The following LURAP1L variants were observed in gnomAD, a reference collection of about 807,000 sequenced individuals.
LURAP1L encodes leucine rich adaptor protein 1-like.
Under a neutral mutation model 13.8 loss-of-function variants are expected in LURAP1L, and 12 were observed. The observed-to-expected ratio is 0.87, with a 90% CI of 0.56 to 1.41. LURAP1L has a LOEUF of 1.41. Ranked by LOEUF, LURAP1L falls within the 40% of genes most tolerant of loss-of-function variation. LURAP1L has a pLI of 0.00. For missense variants in LURAP1L, 375 were observed against 292.9 expected (o/e 1.28, Z -2.04); for synonymous variants, 139 against 119.2 (o/e 1.17, Z -1.08).
chr9:12,775,497 C>A lies in LURAP1L; in HGVS notation c.-219C>A. The A allele has an allele frequency of 3.5e-6, 2 of 573,598 alleles. No individual in the cohort carries two copies. The highest frequency in any genetic ancestry group is 2.8e-6 in the Non-Finnish European group (1 of 355,168). The allele number at this position is 573,598 out of a possible 1,614,324, so 35.5% of individuals were successfully genotyped here. A position where few individuals can be genotyped will look rare whatever the true frequency, so the allele number is the denominator to read the frequency against. On this transcript the variant is annotated 5_prime_UTR_variant, in exon 1 of 2. Coordinates refer to ENST00000319264, the MANE Select transcript of LURAP1L (RefSeq NM_203403.2). ...TTGATCATCTTAGTGTCGGAGGAGT[C>A]GCAGCGGACTGGGAACTGCAGCTGC... is the stretch of plus-strand genomic sequence containing the variant.
chr9:12,796,792 A>C (rs1819517054), intron 1 of LURAP1L, among the ~76,000 whole-genome samples: 1 of 152,048 alleles, frequency 6.6e-6, no homozygotes, highest in Non-Finnish European at 1.5e-5. Context: ...AAGTAAATCT[A>C]GGCCTGAATC....
intron 1 of LURAP1L, among the ~76,000 whole-genome samples, chr9:12,791,691 T>C (rs1819443117): frequency 1.4e-5 from 2 of 147,628 alleles, no homozygotes; most frequent in African/African-American, 5.0e-5. Flanking sequence ...CCCTTCTTTT[T>C]ACACACACAC....
chr9:12,798,387 A>G (rs1452296896), intron 1 of LURAP1L, among the ~76,000 whole-genome samples: 1 of 152,226 alleles, frequency 6.6e-6, no homozygotes, highest in African/African-American at 2.4e-5. Context: ...GACATGAAAC[A>G]TACTAGCAAA....
rs1388350013 is a variant in LURAP1L, at chr9:12,821,784, G to C, written c.*24G>C. ...AGTGACAGTTTTTTGCATGGGACTG[G>C]TGTGCAATGAACTTGTATTTATCCT... On this transcript the variant is annotated 3_prime_UTR_variant, in exon 2 of 2. Transcript: ENST00000319264. The C allele has an allele frequency of 4.4e-6, 7 of 1,593,294 alleles. No homozygotes were observed. Among genetic ancestry groups the C allele is most frequent in the Non-Finnish European group, 6.0e-6 (7 of 1,166,026 alleles).
rs76499619 is a variant in LURAP1L, at chr9:12,776,861, A to G, written c.312+834A>G. 1.0e-2 allele frequency among the ~76,000 whole-genome samples: 1,519 copies of G among 151,998 alleles called. 27 individuals carry two copies. Among genetic ancestry groups the G allele is most frequent in the African/African-American group, 0.035 (1,456 of 41,492 alleles). On this transcript the variant is annotated intron_variant, in intron 1 of 1. Coordinates refer to ENST00000319264, the MANE Select transcript of LURAP1L (RefSeq NM_203403.2). Reference sequence around the variant, plus strand: ...CTGGAAGTATTTAGACTAAGACACTATTTACTTGCCATGAGCTCTTGGGCA... The same window carrying G: ...CTGGAAGTATTTAGACTAAGACACTGTTTACTTGCCATGAGCTCTTGGGCA...
At chr9:12,795,445 T>C (rs951547437) in intron 1 of LURAP1L, among the ~76,000 whole-genome samples, 6 of 151,996 alleles carry the variant, frequency 3.9e-5, no homozygotes, top group Admixed American at 6.6e-5. Flanking sequence ...AGAAATTCCT[T>C]CTAGAAAAAT....
intron 1 of LURAP1L, among the ~76,000 whole-genome samples, chr9:12,782,212 C>T (rs1044231171): frequency 6.6e-6 from 1 of 152,184 alleles, no homozygotes; most frequent in African/African-American, 2.4e-5. Flanking sequence ...TGGGTTGTCT[C>T]TCCACTTTGT....
chr9:12,796,784 G>A (rs1439391792), intron 1 of LURAP1L, among the ~76,000 whole-genome samples: 2 of 151,990 alleles, frequency 1.3e-5, no homozygotes, highest in Non-Finnish European at 2.9e-5. Flanking sequence ...TCAGAGCCAA[G>A]TAAATCTAGG....
At chr9:12,795,610 A>C (rs1352540082) in intron 1 of LURAP1L, among the ~76,000 whole-genome samples, 4 of 152,024 alleles carry the variant, frequency 2.6e-5, no homozygotes, top group Non-Finnish European at 4.4e-5. Flanking sequence ...TGAAAAGGTA[A>C]AATCAGCCTA....
At chr9:12,781,525 C>A (rs1170425026) in intron 1 of LURAP1L, among the ~76,000 whole-genome samples, 1 of 152,132 alleles carries the variant, frequency 6.6e-6, no homozygotes, top group East Asian at 1.9e-4. Flanking sequence ...CTTTCTGTGC[C>A]TGACTTATTT....
chr9:12,820,465 T>C (rs1299227153), intron 1 of LURAP1L, among the ~76,000 whole-genome samples: 4 of 129,236 alleles, frequency 3.1e-5, no homozygotes, highest in Non-Finnish European at 6.2e-5. Context: ...ATTCCGCCAC[T>C]GCACTCCAGC....
intron 1 of LURAP1L, among the ~76,000 whole-genome samples, chr9:12,779,283 T>G (rs1159181662): frequency 7.0e-6 from 1 of 143,346 alleles, no homozygotes; most frequent in African/African-American, 2.6e-5. Context: ...TTTTTTTTTT[T>G]TTTTTTTTTG....
intron 1 of LURAP1L, among the ~76,000 whole-genome samples, chr9:12,806,230 T>C (rs1819654522): frequency 6.6e-6 from 1 of 152,192 alleles, no homozygotes; most frequent in South Asian, 2.1e-4. Flanking sequence ...AGCAAGATGG[T>C]ACAGCTGGTT....
At chr9:12,816,249 A>G (rs1563899304) in intron 1 of LURAP1L, among the ~76,000 whole-genome samples, 2 of 152,216 alleles carry the variant, frequency 1.3e-5, no homozygotes, top group African/African-American at 4.8e-5. Context: ...CAGATATGTT[A>G]GGTGGATGCC....
Position 12,820,504 on chromosome 9 carries a change from C to A in LURAP1L, c.313-882C>A, listed in dbSNP as rs796480094. Among the ~76,000 whole-genome samples, 88 of 58,986 alleles carry A rather than the reference C, an allele frequency of 1.5e-3. 5 individuals are homozygous for A. The highest frequency in any genetic ancestry group is 5.6e-3 in the South Asian group (5 of 898). 38.7% of individuals were successfully genotyped at this position (58,986 alleles called of 152,430 possible). ...GACGACAGATCGAGACTCCGTCCCC[C>A]CCCCCCCCCCAAAAAAAAAAAAGGA... is the stretch of plus-strand genomic sequence containing the variant. On this transcript the variant is annotated intron_variant, in intron 1 of 1. Coordinates refer to ENST00000319264, the MANE Select transcript of LURAP1L (RefSeq NM_203403.2).
At chr9:12,812,087 A>G (rs1309590863) in intron 1 of LURAP1L, among the ~76,000 whole-genome samples, 1 of 152,198 alleles carries the variant, frequency 6.6e-6, no homozygotes, top group African/African-American at 2.4e-5. Flanking sequence ...GAGTGTGCCC[A>G]AGGCAGAAGC....
chr9:12,811,196 G>T (rs928049055), intron 1 of LURAP1L, among the ~76,000 whole-genome samples: 1 of 152,120 alleles, frequency 6.6e-6, no homozygotes, highest in African/African-American at 2.4e-5. Flanking sequence ...AAGCAAGATT[G>T]CAACTTAATA....
chr9:12,804,412 T>C (rs371191447), intron 1 of LURAP1L, among the ~76,000 whole-genome samples: 7 of 151,632 alleles, frequency 4.6e-5, no homozygotes, highest in African/African-American at 1.7e-4. Flanking sequence ...TGGCATGGTC[T>C]CGGCTCACTG....
chr9:12,788,793 T>A (rs1458813749), intron 1 of LURAP1L, among the ~76,000 whole-genome samples: 1 of 151,944 alleles, frequency 6.6e-6, no homozygotes, highest in Admixed American at 6.6e-5. Context: ...CTGTATTTTG[T>A]CCAGTTTCTC....
Sources: allele counts gnomAD v4.1 joint callset (sites outside exome capture counted in the v4.1 genomes callset), GRCh38; gene constraint gnomAD v4.1.1; transcripts MANE v1.5; gene names NCBI Gene and HGNC (gene_info 2026-07-23, HGNC 2026-07-21).